XKR4: variants seen among roughly 807,000 people sequenced by gnomAD.
The protein encoded by XKR4 is XK-related protein 4.
XKR4 carries 12 observed loss-of-function variants against 53.9 expected under a neutral mutation model. The observed-to-expected ratio is 0.22, with a 90% CI of 0.14 to 0.36. The LOEUF (loss-of-function observed/expected upper bound fraction) is 0.36. Ranked by LOEUF, XKR4 falls within the 10% of genes least tolerant of loss-of-function variation. XKR4 has a pLI of 1.00. For synonymous variants in XKR4, 354 were observed against 362.4 expected (o/e 0.98, Z 0.26); for missense variants, 799 against 859.5 (o/e 0.93, Z 0.88).
chr8:55,321,012 C>T (rs1445942935), intron 1 of XKR4, among the ~76,000 whole-genome samples: 1 of 152,064 alleles, frequency 6.6e-6, no homozygotes, highest in Non-Finnish European at 1.5e-5. Flanking sequence ...GATTGGAATC[C>T]CTCAGCCTCC....
At chr8:55,421,194 CAT>C (rs1460722336) in intron 2 of XKR4, among the ~76,000 whole-genome samples, 1 of 152,208 alleles carries the variant, frequency 6.6e-6, no homozygotes, top group African/African-American at 2.4e-5. Context: ...AGTGCTTTCA[CAT>C]ATGTTATCCT....
chr8:55,163,548 A>T (rs1416979581), intron 1 of XKR4, among the ~76,000 whole-genome samples: 1 of 152,222 alleles, frequency 6.6e-6, no homozygotes, highest in African/African-American at 2.4e-5. Context: ...ATTATTTTAA[A>T]TAATTATAAA....
At chr8:55,246,908 C>T (rs954960850) in intron 1 of XKR4, among the ~76,000 whole-genome samples, 3 of 152,024 alleles carry the variant, frequency 2.0e-5, no homozygotes, top group African/African-American at 7.2e-5. Context: ...TCACTGTGCT[C>T]TGGATTTCTT....
intron 2 of XKR4, among the ~76,000 whole-genome samples, chr8:55,371,708 G>T (rs1453590508): frequency 2.6e-5 from 4 of 152,176 alleles, no homozygotes; most frequent in Non-Finnish European, 5.9e-5. Flanking sequence ...TGGAGGTAAT[G>T]ATATTATTGA....
intron 2 of XKR4, among the ~76,000 whole-genome samples, chr8:55,462,817 T>C (rs1004272573): frequency 6.6e-5 from 10 of 151,946 alleles, no homozygotes; most frequent in African/African-American, 2.4e-4. Flanking sequence ...AAGGCAGGGG[T>C]TGCAATCCTA....
chr8:55,297,277 G>T (rs905866991), intron 1 of XKR4, among the ~76,000 whole-genome samples: 4 of 152,178 alleles, frequency 2.6e-5, no homozygotes, highest in Non-Finnish European at 4.4e-5. Flanking sequence ...AGTAATACTG[G>T]ATTAAAATTT....
chr8:55,217,908 TAAG>T (rs986640193), intron 1 of XKR4, among the ~76,000 whole-genome samples: 4 of 152,176 alleles, frequency 2.6e-5, no homozygotes, highest in African/African-American at 9.7e-5. Context: ...GGTAAACATA[TAAG>T]AAGACTTTGT....
At chr8:55,439,321 C>T (rs568839210) in intron 2 of XKR4, among the ~76,000 whole-genome samples, 3 of 83,470 alleles carry the variant, frequency 3.6e-5, no homozygotes, top group South Asian at 6.1e-4. Context: ...AAAGAAGATG[C>T]GCTCCTTCCC....
chr8:55,226,063 G>A (rs1406643419), intron 1 of XKR4, among the ~76,000 whole-genome samples: 6 of 152,122 alleles, frequency 3.9e-5, no homozygotes, highest in Admixed American at 2.6e-4. Flanking sequence ...ATGAATGCCT[G>A]GGCCAAAATG....
At chr8:55,449,989 C>A in intron 2 of XKR4, 1 of 817,768 alleles carries the variant, frequency 1.2e-6, no homozygotes. Context: ...CAGGTACATA[C>A]CCAGCGAGCA....
At position 55,538,876 on chromosome 8, in the gene XKR4, G is replaced by A. The variant is rs1328993806; in HGVS notation, c.*14649G>A. 4 of 152,146 alleles carry A rather than the reference G, an allele frequency of 2.6e-5. No homozygotes were observed. Among genetic ancestry groups the A allele is most frequent in the Non-Finnish European group, 4.4e-5 (3 of 68,022 alleles). The allele number at this position is 152,146 out of a possible 1,614,324, so 9.4% of individuals were successfully genotyped here. ...GACACATCTTTACAACACAATAAAA[G>A]AACGTAAAGCCTTATTTCCACCTGT... On this transcript the variant is annotated 3_prime_UTR_variant, in exon 3 of 3. Coordinates refer to ENST00000327381, the MANE Select transcript of XKR4 (RefSeq NM_052898.2).
intron 2 of XKR4, among the ~76,000 whole-genome samples, chr8:55,372,486 C>T (rs1027321048): frequency 4.0e-5 from 6 of 151,200 alleles, no homozygotes; most frequent in Non-Finnish European, 7.4e-5. Context: ...AAAGGAAAGA[C>T]GGGTAAGGTC....
intron 2 of XKR4, among the ~76,000 whole-genome samples, chr8:55,447,025 T>C (rs1805357063): frequency 6.6e-6 from 1 of 151,812 alleles, no homozygotes; most frequent in Admixed American, 6.6e-5. Context: ...CGATTTTTGT[T>C]TGAAATGATG....
intron 1 of XKR4, among the ~76,000 whole-genome samples, chr8:55,221,209 C>T (rs947461113): frequency 1.2e-4 from 18 of 152,174 alleles, no homozygotes; most frequent in Admixed American, 9.2e-4. Flanking sequence ...TATTGCCTGT[C>T]AACCTATGGA....
At chr8:55,483,088 A>G (rs977231650) in intron 2 of XKR4, among the ~76,000 whole-genome samples, 53 of 152,318 alleles carry the variant, frequency 3.5e-4, no homozygotes, top group African/African-American at 1.2e-3. Context: ...GTAGACATTC[A>G]TCCTACATCC....
Position 55,452,820 on chromosome 8 carries a change from C to T in XKR4, c.1007-70461C>T, listed in dbSNP as rs1221845260. 9 of 769,920 alleles carry T rather than the reference C, an allele frequency of 1.2e-5. 1 individual carries two copies. In the African/African-American group the frequency reaches 1.2e-4, roughly 10 times the overall value. 47.7% of individuals were successfully genotyped at this position (769,920 alleles called of 1,614,324 possible). On this transcript the variant is annotated intron_variant, in intron 2 of 2. Coordinates refer to ENST00000327381, the MANE Select transcript of XKR4 (RefSeq NM_052898.2). ...GTTGGGGACCAGGCTGTTGCTGGTG[C>T]TCTCCAGGTCACCCAGCTCCTGAAG...
At chr8:55,469,331 G>T (rs1287255739) in intron 2 of XKR4, among the ~76,000 whole-genome samples, 1 of 152,082 alleles carries the variant, frequency 6.6e-6, no homozygotes, top group Non-Finnish European at 1.5e-5. Context: ...ATATGTCTCA[G>T]TCTGGCTTTT....
At chr8:55,235,905 T>C (rs1265571792) in intron 1 of XKR4, among the ~76,000 whole-genome samples, 2 of 152,212 alleles carry the variant, frequency 1.3e-5, no homozygotes, top group African/African-American at 2.4e-5. Context: ...GATTGAGCTT[T>C]GGGCCATGAT....
chr8:55,242,106 T>C (rs1184648682), intron 1 of XKR4, among the ~76,000 whole-genome samples: 4 of 152,222 alleles, frequency 2.6e-5, no homozygotes, highest in Non-Finnish European at 4.4e-5. Flanking sequence ...TATTCATTCA[T>C]ATATTCACTA....
Sources: gnomAD v4.1 joint callset for allele counts (sites outside exome capture counted in the v4.1 genomes callset) on GRCh38, gnomAD v4.1.1 for gene constraint, MANE v1.5 for transcripts, NCBI Gene and HGNC (gene_info 2026-07-23, HGNC 2026-07-21) for gene names.